The following AHR variants were observed in gnomAD, a reference collection of about 807,000 sequenced individuals.
AHR encodes AH-receptor.
A neutral mutation model predicts 86.8 loss-of-function variants in AHR; 40 were observed. That is an observed-to-expected ratio of 0.46 (90% CI 0.36 to 0.60). The LOEUF (loss-of-function observed/expected upper bound fraction) is 0.60. Ranked by LOEUF, AHR falls within the 20% of genes least tolerant of loss-of-function variation. The pLI, the probability that AHR is intolerant of heterozygous loss-of-function variation, is 0.00. For missense variants in AHR, 1,001 were observed against 1,011.6 expected, an observed-to-expected ratio of 0.99 and a Z score of 0.14; for synonymous variants, 398 against 354.9, an observed-to-expected ratio of 1.12 and a Z score of -1.37.
At position 17,324,613 on chromosome 7, in the gene AHR, C is replaced by T. The variant is rs113847466; in HGVS notation, c.360+2006C>T. Among the ~76,000 whole-genome samples, 47 of 151,848 alleles carry T rather than the reference C, an allele frequency of 3.1e-4. No homozygotes were observed. In the East Asian group the frequency reaches 6.2e-3, roughly 20 times the overall value. On this transcript the variant is annotated intron_variant, in intron 3 of 10. Transcript: ENST00000242057. ...GTCAGGAGTTCAAGACCAGCCTGGC[C>T]AACATAGGGAAACCCCATCTCTACT... is the stretch of plus-strand genomic sequence containing the variant.
At chr7:17,327,184 A>C (rs1782238907) in intron 3 of AHR, among the ~76,000 whole-genome samples, 1 of 152,038 alleles carries the variant, frequency 6.6e-6, no homozygotes, top group Non-Finnish European at 1.5e-5. Context: ...GTTCATAATG[A>C]CATTAAATTT....
intron 2 of AHR, among the ~76,000 whole-genome samples, chr7:17,317,895 T>A (rs769459444): frequency 2.6e-4 from 39 of 152,028 alleles, no homozygotes; most frequent in Admixed American, 1.3e-3. Context: ...TAACTGCTCT[T>A]GTTCCATTAA....
At chr7:17,326,590 T>C (rs1266336176) in intron 3 of AHR, among the ~76,000 whole-genome samples, 2 of 152,204 alleles carry the variant, frequency 1.3e-5, no homozygotes, top group South Asian at 2.1e-4. Flanking sequence ...TTGTACCTTA[T>C]TACACTGAGT....
chr7:17,340,381 T>G (rs1782407944), intron 10 of AHR, among the ~76,000 whole-genome samples, 153 bp downstream of exon 10: 1 of 152,132 alleles, frequency 6.6e-6, no homozygotes, highest in Non-Finnish European at 1.5e-5. Context: ...ACCTTTTTTT[T>G]TTTTACAAGC....
At chr7:17,304,870 G>C (rs1367642423) in intron 1 of AHR, among the ~76,000 whole-genome samples, 2 of 151,926 alleles carry the variant, frequency 1.3e-5, no homozygotes, top group East Asian at 3.9e-4. Flanking sequence ...TAGTGATTCT[G>C]GTAAGGCAGA....
intron 2 of AHR, among the ~76,000 whole-genome samples, chr7:17,311,089 T>G (rs1192691454): frequency 6.6e-6 from 1 of 152,244 alleles, no homozygotes; most frequent in Non-Finnish European, 1.5e-5. Context: ...AATGGAAGTT[T>G]TTGTTTGCAA....
At chr7:17,300,701 G>T (rs1432850542) in intron 1 of AHR, among the ~76,000 whole-genome samples, 2 of 152,080 alleles carry the variant, frequency 1.3e-5, no homozygotes, top group African/African-American at 4.8e-5. Context: ...TTGTAGAATG[G>T]TTTCTTATAT....
rs1359847513 is a variant in AHR at position 17,344,060 on chromosome 7, A to G, written c.*996A>G. 1 of 152,632 alleles carries G rather than the reference A, an allele frequency of 6.6e-6. No individual in the cohort carries two copies. The highest frequency in any genetic ancestry group is 6.5e-5 in the Admixed American group (1 of 15,276). The allele number at this position is 152,632 out of a possible 1,614,324, so 9.5% of individuals were successfully genotyped here. On this transcript the variant is annotated 3_prime_UTR_variant, in exon 11 of 11. Transcript: ENST00000242057. ...TGTGAAAAATCTGCTGTTAACTGCA[A>G]CCTTGTTTATTAAATTGCAAGAAGC...
Position 17,309,195 on chromosome 7 carries a change from G to T in AHR, c.66-741G>T, listed in dbSNP as rs756832865. Among the ~76,000 whole-genome samples the T allele has an allele frequency of 5.3e-5, 8 of 152,136 alleles. No homozygotes were observed. In the South Asian group the frequency reaches 1.0e-3, roughly 20 times the overall value. On this transcript the variant is annotated intron_variant, in intron 1 of 10. Transcript: ENST00000242057. The stretch of plus-strand genomic sequence containing the variant: ...GTGAAAATCATGCTAAATTGTTTAG[G>T]GTTCCGTTGAACTTTCTAATTGAGA...
rs1339081991 is a variant in AHR at position 17,340,334 on chromosome 7, A to C, written c.2403+106A>C. On this transcript the variant is annotated intron_variant, in intron 10 of 10. Coordinates refer to ENST00000242057, the MANE Select transcript of AHR (RefSeq NM_001621.5). ...CTGATTTTAATCGGTTATCTACAGC[A>C]TTCATGGAGACAGCATTTTTTATTA... 2.2e-6 allele frequency: 3 copies of C among 1,391,674 alleles called. No individual in the cohort carries two copies. In the African/African-American group the frequency reaches 4.4e-5, roughly 20 times the overall value. 86.2% of individuals were successfully genotyped at this position (1,391,674 alleles called of 1,614,324 possible).
At chr7:17,314,966 T>A (rs972492105) in intron 2 of AHR, among the ~76,000 whole-genome samples, 57 of 152,068 alleles carry the variant, frequency 3.7e-4, no homozygotes, top group African/African-American at 1.3e-3. Context: ...TGAATTTGAT[T>A]TACCCATGGC....
rs1198441623 is a variant in AHR, at chr7:17,339,989, G to A, written c.2164G>A (p.Gly722Arg). The change falls in exon 10 of 11, where the codon GGG (glycine) becomes AGG (arginine). Residue 722 changes from glycine to arginine, a missense_variant. Physicochemically the swap from Gly to Arg is moderately radical, Grantham distance 125. Coordinates refer to ENST00000242057, the MANE Select transcript of AHR (RefSeq NM_001621.5). ...SKCTELDYPMGSFEPSPYPTT... is the reference protein window; with the variant it reads ...SKCTELDYPMRSFEPSPYPTT... Reference sequence around the variant, plus strand: ...ATGTACAGAGCTGGACTACCCTATGGGGAGTTTTGAACCATCCCCATACCC... The same window carrying A: ...ATGTACAGAGCTGGACTACCCTATGAGGAGTTTTGAACCATCCCCATACCC... 6.2e-7 allele frequency: 1 copy of A among 1,614,104 alleles called. No homozygotes were observed. The highest frequency in any genetic ancestry group is 1.7e-5 in the Admixed American group (1 of 60,010).
chr7:17,322,739 G>A (rs557149822), intron 3 of AHR, 132 bp downstream of exon 3: 7 of 631,582 alleles, frequency 1.1e-5, no homozygotes, highest in Admixed American at 5.5e-5. Flanking sequence ...TCTGAACTGC[G>A]ATAGTGAATG....
At chr7:17,300,910 G>A (rs1187271623) in intron 1 of AHR, among the ~76,000 whole-genome samples, 3 of 151,942 alleles carry the variant, frequency 2.0e-5, no homozygotes, top group African/African-American at 7.3e-5. Context: ...TTCAGTTAGG[G>A]TGTTATCAAA....
In AHR at chr7:17,308,403, T is replaced by C. The variant is rs144209910; in HGVS notation, c.66-1533T>C. ...CTTAGCTCCCATAACACTTTTTGAA[T>C]AGTTAGGAGAAAAGTGTTTACCTGG... On this transcript the variant is annotated intron_variant, in intron 1 of 10. Coordinates refer to ENST00000242057, the MANE Select transcript of AHR (RefSeq NM_001621.5). 1.3e-3 allele frequency among the ~76,000 whole-genome samples: 205 copies of C among 152,240 alleles called. 1 individual carries two copies. Among genetic ancestry groups the C allele is most frequent in the African/African-American group, 4.6e-3 (190 of 41,544 alleles).
intron 2 of AHR, among the ~76,000 whole-genome samples, chr7:17,313,361 C>T (rs1782085111): frequency 6.6e-6 from 1 of 152,116 alleles, no homozygotes; most frequent in African/African-American, 2.4e-5. Context: ...CGAAGGGAAG[C>T]TCAAAGTGAA....
chr7:17,328,519 C>T (rs139715726), intron 4 of AHR, among the ~76,000 whole-genome samples: 9 of 152,028 alleles, frequency 5.9e-5, no homozygotes, highest in African/African-American at 1.9e-4. Flanking sequence ...TTGCTATTCT[C>T]ATATATCTGG....
intron 2 of AHR, among the ~76,000 whole-genome samples, chr7:17,316,242 T>G (rs1782114084): frequency 6.6e-6 from 1 of 152,136 alleles, no homozygotes; most frequent in African/African-American, 2.4e-5. Flanking sequence ...AGAAAAATAA[T>G]AACACTAGAG....
At chr7:17,336,926 C>A (rs534809329) in intron 9 of AHR, among the ~76,000 whole-genome samples, 2 of 151,642 alleles carry the variant, frequency 1.3e-5, no homozygotes, top group East Asian at 3.9e-4. Context: ...TATTTTCTTC[C>A]TTCTACTTTC....
Sources: gnomAD v4.1 joint callset for allele counts (sites outside exome capture counted in the v4.1 genomes callset) on GRCh38, gnomAD v4.1.1 for gene constraint, MANE v1.5 for transcripts, NCBI Gene and HGNC (gene_info 2026-07-23, HGNC 2026-07-21) for gene names.